ASIC2: variants seen among roughly 807,000 people sequenced by gnomAD.
ASIC2 encodes acid-sensing ion channel 2.
Under a neutral mutation model 57.3 loss-of-function variants are expected in ASIC2, and 25 were observed. The ratio of observed to expected loss-of-function variants is 0.44; its 90% CI spans 0.32 to 0.61. The LOEUF is 0.61. Ranked by LOEUF, ASIC2 falls within the 20% of genes least tolerant of loss-of-function variation. ASIC2 has a pLI of 0.06. For synonymous variants in ASIC2, 319 were observed against 307.5 expected (o/e 1.04, Z -0.39); for missense variants, 641 against 738.1 (o/e 0.87, Z 1.52).
intron 1 of ASIC2, among the ~76,000 whole-genome samples, chr17:33,990,915 ATCAT>A (rs1382701419): frequency 4.6e-5 from 7 of 152,356 alleles, no homozygotes; most frequent in Non-Finnish European, 1.0e-4. Context: ...TTCAAAGATG[ATCAT>A]TCAAAGACAA....
chr17:33,819,113 C>T (rs959205728), intron 1 of ASIC2, among the ~76,000 whole-genome samples: 1 of 152,148 alleles, frequency 6.6e-6, no homozygotes, highest in African/African-American at 2.4e-5. Flanking sequence ...TAGCTATATG[C>T]CTTTCCTAAG....
chr17:33,691,823 A>ATG lies in ASIC2; in HGVS notation c.555+464153_555+464154dup, dbSNP rs750975928. Among the ~76,000 whole-genome samples the ATG allele has an allele frequency of 4.0e-4, 56 of 138,648 alleles. No homozygotes were observed. In the East Asian group the frequency reaches 8.9e-3, roughly 22 times the overall value. The allele number at this position is 138,648 out of a possible 152,430, so 91.0% of individuals were successfully genotyped here. A position where few individuals can be genotyped will look rare whatever the true frequency, so the allele number is the denominator to read the frequency against. ...TGTGTGTATTTATGTATATGCATGC[A>ATG]TGTGTGTGTGTGTGTCTGTGTATAC... On this transcript the variant is annotated intron_variant, in intron 1 of 9. Transcript: ENST00000359872.
intron 1 of ASIC2, among the ~76,000 whole-genome samples, chr17:33,580,981 C>T (rs1904417383): frequency 6.6e-6 from 1 of 152,196 alleles, no homozygotes; most frequent in Admixed American, 6.6e-5. Context: ...AAGATCACAC[C>T]TCTAATCTCT....
intron 1 of ASIC2, among the ~76,000 whole-genome samples, chr17:33,950,469 T>C (rs1460213407): frequency 1.3e-5 from 2 of 152,096 alleles, no homozygotes; most frequent in African/African-American, 4.8e-5. Flanking sequence ...AATAAAGCAA[T>C]AGAGAAGTGA....
intron 1 of ASIC2, among the ~76,000 whole-genome samples, chr17:34,131,791 G>A (rs1046790350): frequency 6.6e-6 from 1 of 152,212 alleles, no homozygotes; most frequent in Non-Finnish European, 1.5e-5. Flanking sequence ...GAGGCCCCCT[G>A]TCCAAATGGG....
intron 3 of ASIC2, among the ~76,000 whole-genome samples, chr17:33,082,280 A>T (rs2092115899): frequency 2.0e-5 from 3 of 152,252 alleles, no homozygotes; most frequent in South Asian, 4.1e-4. Context: ...GACCACCAAG[A>T]AGTATAAGCA....
At chr17:33,138,970 T>C (rs1256662630) in intron 1 of ASIC2, among the ~76,000 whole-genome samples, 1 of 152,180 alleles carries the variant, frequency 6.6e-6, no homozygotes, top group Non-Finnish European at 1.5e-5. Flanking sequence ...TCAGAAGTCC[T>C]GGAATTCAGT....
chr17:33,039,778 T>C (rs1382271678), intron 3 of ASIC2, among the ~76,000 whole-genome samples: 1 of 152,182 alleles, frequency 6.6e-6, no homozygotes, highest in Non-Finnish European at 1.5e-5. Flanking sequence ...AACCTTCCAC[T>C]GGAAGAGAGG....
At chr17:34,036,912 C>G (rs1482523096) in intron 1 of ASIC2, 3 of 152,384 alleles carry the variant, frequency 2.0e-5, no homozygotes, top group East Asian at 1.9e-4. Context: ...ATGAGGGAAG[C>G]AATTGCAAAC....
chr17:33,109,239 T>C (rs2092247183), intron 2 of ASIC2, among the ~76,000 whole-genome samples: 1 of 152,206 alleles, frequency 6.6e-6, no homozygotes, highest in South Asian at 2.1e-4. Flanking sequence ...CCAAAATCTA[T>C]TGAAATTATA....
intron 1 of ASIC2, among the ~76,000 whole-genome samples, chr17:33,751,740 T>C (rs144389089): frequency 6.6e-6 from 1 of 152,050 alleles, no homozygotes; most frequent in South Asian, 2.1e-4. Flanking sequence ...GCTCCCTGCA[T>C]AGAATGACTT....
intron 1 of ASIC2, among the ~76,000 whole-genome samples, chr17:33,618,405 G>A (rs1238009118): frequency 6.6e-6 from 1 of 152,052 alleles, no homozygotes; most frequent in African/African-American, 2.4e-5. Context: ...GAAGCCAAGT[G>A]TATACCTCAG....
intron 1 of ASIC2, among the ~76,000 whole-genome samples, chr17:33,239,334 G>A (rs934477692): frequency 6.6e-6 from 1 of 151,992 alleles, no homozygotes; most frequent in African/African-American, 2.4e-5. Context: ...TCTCCTAAGA[G>A]CCCTGATTAA....
chr17:34,147,345 G>A (rs998911467), intron 1 of ASIC2, among the ~76,000 whole-genome samples: 6 of 152,158 alleles, frequency 3.9e-5, no homozygotes, highest in East Asian at 1.9e-4. Context: ...TGTTTTATAT[G>A]CTTAATTTCT....
At chr17:34,011,186 T>C (rs1303400037) in intron 1 of ASIC2, among the ~76,000 whole-genome samples, 1 of 99,876 alleles carries the variant, frequency 1.0e-5, no homozygotes, top group Non-Finnish European at 2.1e-5. Context: ...CATGCACAGA[T>C]GCACACACAC....
intron 1 of ASIC2, among the ~76,000 whole-genome samples, chr17:33,777,283 G>A (rs963732807): frequency 6.6e-6 from 1 of 152,152 alleles, no homozygotes; most frequent in Non-Finnish European, 1.5e-5. Context: ...GAATGAATGG[G>A]GAAAAAGAGC....
intron 1 of ASIC2, among the ~76,000 whole-genome samples, chr17:33,799,427 C>CTT (rs11439080): frequency 1.5e-4 from 13 of 84,092 alleles, no homozygotes; most frequent in African/African-American, 2.9e-4. Flanking sequence ...TTCTTTCTTT[C>CTT]TTCTTTCTTT....
intron 1 of ASIC2, among the ~76,000 whole-genome samples, chr17:34,131,725 G>A (rs557814351): frequency 1.3e-5 from 2 of 152,216 alleles, no homozygotes. Context: ...GTGGCTCTGC[G>A]TGCCTTTCCT....
At chr17:33,395,380 T>A (rs1429566742) in intron 1 of ASIC2, among the ~76,000 whole-genome samples, 3 of 152,142 alleles carry the variant, frequency 2.0e-5, no homozygotes, top group Non-Finnish European at 4.4e-5. Context: ...GAGGAGCAAG[T>A]CACATCTTAC....
Sources: allele counts gnomAD v4.1 joint callset (sites outside exome capture counted in the v4.1 genomes callset), GRCh38; gene constraint gnomAD v4.1.1; transcripts MANE v1.5; gene names NCBI Gene and HGNC (gene_info 2026-07-23, HGNC 2026-07-21).